The following MMP16 variants were observed in gnomAD, a reference collection of about 807,000 sequenced individuals.
MMP16 encodes matrix metallopeptidase 16.
In MMP16, 12 loss-of-function variants were observed where a neutral mutation model predicts 67.8. The ratio of observed to expected loss-of-function variants is 0.18; its 90% CI spans 0.11 to 0.29. MMP16 has a LOEUF of 0.29. Among genes scored for constraint, MMP16 ranks in the 10% least tolerant of loss-of-function variants. MMP16 has a pLI of 1.00. For synonymous variants in MMP16, 249 were observed against 255.9 expected (o/e 0.97, Z 0.26); for missense variants, 475 against 765.7 (o/e 0.62, Z 4.48).
chr8:88,285,722 T>C (rs1018259713), intron 1 of MMP16, among the ~76,000 whole-genome samples: 4 of 152,214 alleles, frequency 2.6e-5, no homozygotes, highest in African/African-American at 9.6e-5. Flanking sequence ...TTTTAAAAAT[T>C]AATGTTGCAG....
chr8:88,324,440 TG>T lies in MMP16; in HGVS notation c.132+2634del, dbSNP rs1174153413. Reference sequence around the variant, plus strand: ...CTTAAATCACAGAGATAAAAAAGAATGGGGGGACCACAAATTGTTAAGTTTA... The same window carrying T: ...CTTAAATCACAGAGATAAAAAAGAATGGGGGACCACAAATTGTTAAGTTTA... On this transcript the variant is annotated intron_variant, in intron 1 of 9. Transcript: ENST00000286614. Among the ~76,000 whole-genome samples the T allele has an allele frequency of 9.9e-5, 15 of 152,144 alleles. No individual in the cohort carries two copies. In the East Asian group the frequency reaches 2.9e-3, roughly 29 times the overall value.
intron 1 of MMP16, among the ~76,000 whole-genome samples, chr8:88,311,586 ATGT>A (rs1301205928): frequency 1.3e-5 from 2 of 152,216 alleles, no homozygotes; most frequent in Non-Finnish European, 2.9e-5. Flanking sequence ...TTTCATAAAA[ATGT>A]TATTTATGAC....
In MMP16 at chr8:88,137,367, C is replaced by T. The variant is rs78157683; in HGVS notation, c.710-18506G>A. On this transcript the variant is annotated intron_variant, in intron 4 of 9. Transcript: ENST00000286614. ...ATTTGGAATTTTGGATAAGGAATACCGAACCTGTACTTCTTTAAATACGTT... is the reference window on the plus strand; with the variant it reads ...ATTTGGAATTTTGGATAAGGAATACTGAACCTGTACTTCTTTAAATACGTT... Among the ~76,000 whole-genome samples the T allele has an allele frequency of 8.9e-3, 1,346 of 151,980 alleles. 27 individuals are homozygous for T. The highest frequency in any genetic ancestry group is 0.031 in the African/African-American group (1,267 of 41,504).
chr8:88,174,680 G>C (rs1808857679), intron 3 of MMP16, among the ~76,000 whole-genome samples: 2 of 151,824 alleles, frequency 1.3e-5, no homozygotes, highest in Admixed American at 6.6e-5. Context: ...CACTTGCCAT[G>C]ATGCTGAGAA....
At position 88,087,548 on chromosome 8, in the gene MMP16, A is replaced by G. The variant is rs186137706; in HGVS notation, c.1084-12805T>C. Among the ~76,000 whole-genome samples the G allele has an allele frequency of 8.8e-4, 134 of 151,956 alleles. 3 individuals are homozygous for G. Among genetic ancestry groups the G allele is most frequent in the Middle Eastern group, 6.8e-3 (2 of 294 alleles). ...GGAGTATATTTTCAGCTTGGTCTTC[A>G]ATCAGACATGTTCTTTCTCACCAGA... On this transcript the variant is annotated intron_variant, in intron 6 of 9. Transcript: ENST00000286614.
chr8:88,046,874 A>G, intron 8 of MMP16, 90 bp from the exon 9 acceptor site: 2 of 786,224 alleles, frequency 2.5e-6, no homozygotes, highest in East Asian at 2.8e-5. Flanking sequence ...GACATTTATT[A>G]GACCTTTGCT....
At chr8:88,281,176 C>T (rs1810729683) in intron 1 of MMP16, among the ~76,000 whole-genome samples, 1 of 152,146 alleles carries the variant, frequency 6.6e-6, no homozygotes, top group Non-Finnish European at 1.5e-5. Context: ...AAAACCATAT[C>T]TTGTAAGAAT....
chr8:88,208,259 T>C (rs59592564), intron 1 of MMP16, among the ~76,000 whole-genome samples: 7,221 of 152,236 alleles, frequency 0.047, 207 homozygotes, highest in South Asian at 0.07. Flanking sequence ...GGGTTTATGG[T>C]CAGGACTGCC....
intron 4 of MMP16, among the ~76,000 whole-genome samples, chr8:88,162,731 G>A (rs1808649755): frequency 6.6e-6 from 1 of 151,892 alleles, no homozygotes; most frequent in African/African-American, 2.4e-5. Flanking sequence ...GAGTTCTAAC[G>A]AGATCTGGTT....
chr8:88,080,859 A>T (rs1808738071), intron 6 of MMP16, among the ~76,000 whole-genome samples: 1 of 152,138 alleles, frequency 6.6e-6, no homozygotes, highest in African/African-American at 2.4e-5. Flanking sequence ...GAAAGACAAA[A>T]ATGTGGCAGC....
chr8:88,099,243 C>T (rs960911970), intron 6 of MMP16, among the ~76,000 whole-genome samples: 2 of 151,570 alleles, frequency 1.3e-5, no homozygotes, highest in East Asian at 2.0e-4. Context: ...AAAATTTTTA[C>T]TAAAATTTTA....
At chr8:88,202,673 AC>A (rs1236441680) in intron 1 of MMP16, among the ~76,000 whole-genome samples, 1 of 152,112 alleles carries the variant, frequency 6.6e-6, no homozygotes, top group Non-Finnish European at 1.5e-5. Flanking sequence ...ACAAAACAAG[AC>A]CAAAATAAAA....
At chr8:88,097,227 T>C (rs1297025488) in intron 6 of MMP16, among the ~76,000 whole-genome samples, 1 of 151,784 alleles carries the variant, frequency 6.6e-6, no homozygotes, top group South Asian at 2.1e-4. Context: ...AGAAAAACTA[T>C]TTTTTTTGGT....
chr8:88,105,784 A>G (rs1809227216), intron 6 of MMP16, among the ~76,000 whole-genome samples: 2 of 151,468 alleles, frequency 1.3e-5, no homozygotes, highest in African/African-American at 4.8e-5. Context: ...TTAAAGACAC[A>G]GATGCATCAT....
chr8:88,075,319 A>T (rs1286584142), intron 6 of MMP16, among the ~76,000 whole-genome samples: 1 of 152,196 alleles, frequency 6.6e-6, no homozygotes, highest in Non-Finnish European at 1.5e-5. Context: ...AGAGGATTCT[A>T]GTCTGGATTA....
At chr8:88,220,462 C>T (rs1809663571) in intron 1 of MMP16, among the ~76,000 whole-genome samples, 1 of 152,038 alleles carries the variant, frequency 6.6e-6, no homozygotes, top group Non-Finnish European at 1.5e-5. Flanking sequence ...ACCATGTTCC[C>T]CAGTTCCCTT....
At chr8:88,290,572 A>C (rs1810911973) in intron 1 of MMP16, among the ~76,000 whole-genome samples, 1 of 151,864 alleles carries the variant, frequency 6.6e-6, no homozygotes, top group African/African-American at 2.4e-5. Context: ...AAATTGACCT[A>C]ATTATTTTAT....
chr8:88,100,386 T>A (rs1809119690), intron 6 of MMP16, among the ~76,000 whole-genome samples: 1 of 152,024 alleles, frequency 6.6e-6, no homozygotes, highest in Non-Finnish European at 1.5e-5. Context: ...ATGCTCATCA[T>A]CACTGGTCAT....
intron 1 of MMP16, among the ~76,000 whole-genome samples, chr8:88,273,936 T>C (rs150962401): frequency 1.2e-4 from 19 of 152,132 alleles, no homozygotes; most frequent in African/African-American, 4.6e-4. Flanking sequence ...TCAACCTTGG[T>C]TGTCATAGCT....
Sources: allele counts gnomAD v4.1 joint callset (sites outside exome capture counted in the v4.1 genomes callset), GRCh38; gene constraint gnomAD v4.1.1; transcripts MANE v1.5; gene names NCBI Gene and HGNC (gene_info 2026-07-23, HGNC 2026-07-21).